ATXN7L1: variants seen among roughly 807,000 people sequenced by gnomAD.
ATXN7L1 encodes ataxin-7-like protein 1.
Under a neutral mutation model 70.8 loss-of-function variants are expected in ATXN7L1, and 15 were observed. That is an observed-to-expected ratio of 0.21 (90% CI 0.14 to 0.33). ATXN7L1 has a LOEUF of 0.33. Among genes scored for constraint, ATXN7L1 ranks in the 10% least tolerant of loss-of-function variants. ATXN7L1 has a pLI of 1.00. For synonymous variants in ATXN7L1, 440 were observed against 445.1 expected (o/e 0.99, Z 0.14); for missense variants, 975 against 1,097.1 (o/e 0.89, Z 1.57).
At chr7:105,740,106 G>A (rs1797836651) in intron 3 of ATXN7L1, among the ~76,000 whole-genome samples, 1 of 152,146 alleles carries the variant, frequency 6.6e-6, no homozygotes, top group Admixed American at 6.5e-5. Flanking sequence ...CTGATTTCAT[G>A]ATACACTAGT....
At chr7:105,820,616 C>A (rs1443343074) in intron 2 of ATXN7L1, among the ~76,000 whole-genome samples, 1 of 152,110 alleles carries the variant, frequency 6.6e-6, no homozygotes, top group Non-Finnish European at 1.5e-5. Context: ...TTTTAAATTG[C>A]AAATTTCCCT....
chr7:105,804,995 C>T (rs902027027), intron 2 of ATXN7L1, among the ~76,000 whole-genome samples: 22 of 152,170 alleles, frequency 1.4e-4, no homozygotes, highest in African/African-American at 5.1e-4. Flanking sequence ...ACACCCGTGG[C>T]GTAGCATTTA....
In ATXN7L1 at chr7:105,819,529, G is replaced by A. The variant is rs1809758878; in HGVS notation, c.251-30821C>T. ...CAGGTCCTGGTGCTTGATGGTCGAG[G>A]CCATCTCCTGGGCCGCCTGGCGGCC... On this transcript the variant is annotated intron_variant, in intron 2 of 11. Coordinates refer to ENST00000419735, the MANE Select transcript of ATXN7L1 (RefSeq NM_020725.2). 89 of 1,368,120 alleles carry A rather than the reference G, an allele frequency of 6.5e-5. No individual in the cohort carries two copies. The South Asian group carries it at 9.6e-4, about 15-fold the overall frequency. The allele number at this position is 1,368,120 out of a possible 1,614,324, so 84.7% of individuals were successfully genotyped here. A position where few individuals can be genotyped will look rare whatever the true frequency, so the allele number is the denominator to read the frequency against.
chr7:105,624,169 C>T lies in ATXN7L1; in HGVS notation c.1301G>A (p.Ser434Asn). ...CTCCCCTTCATCACTGGACAGTCGG[C>T]TGGCGAGGTCACCTCCAACCGGTGG... ...PLPPVGGDLA[S>N]RLSSDEGEMD... Residue 434 changes from serine (S) to asparagine (N), a missense_variant, in exon 8 of 12, where the codon AGC becomes AAC. Around this residue, in one of 5 missense-constraint regions of ATXN7L1, gnomAD observed 635 missense variants for 699.4 expected, o/e 0.91. Coordinates refer to ENST00000419735, the MANE Select transcript of ATXN7L1 (RefSeq NM_020725.2). The T allele has an allele frequency of 6.5e-7, 1 of 1,533,162 alleles. No individual in the cohort carries two copies. The highest frequency in any genetic ancestry group is 1.2e-5 in the South Asian group (1 of 81,548). 95.0% of individuals were successfully genotyped at this position (1,533,162 alleles called of 1,614,324 possible). A position where few individuals can be genotyped will look rare whatever the true frequency, so the allele number is the denominator to read the frequency against.
intron 3 of ATXN7L1, among the ~76,000 whole-genome samples, chr7:105,756,413 A>C (rs1175351116): frequency 6.6e-6 from 1 of 152,248 alleles, no homozygotes; most frequent in Admixed American, 6.5e-5. Flanking sequence ...ATATATTTCC[A>C]ATTGGAAGCG....
chr7:105,787,303 A>G (rs1421248376), intron 3 of ATXN7L1, among the ~76,000 whole-genome samples: 1 of 152,150 alleles, frequency 6.6e-6, no homozygotes, highest in Non-Finnish European at 1.5e-5. Context: ...TAGCCCGAGG[A>G]CACAGTGCTG....
intron 2 of ATXN7L1, among the ~76,000 whole-genome samples, chr7:105,850,612 T>C (rs1326777333): frequency 6.6e-6 from 1 of 152,264 alleles, no homozygotes; most frequent in Non-Finnish European, 1.5e-5. Context: ...GGCCTAGCAC[T>C]GATCCCTGTG....
rs1792703416 is a variant in ATXN7L1 at position 105,605,087 on chromosome 7, T to A, written c.*2765A>T. On this transcript the variant is annotated 3_prime_UTR_variant, in exon 12 of 12. Transcript: ENST00000419735. The stretch of plus-strand genomic sequence containing the variant: ...TTTTTATGGCTGACAGGTCTATGCA[T>A]TGCGTTATGCTTCACAACCAGAGCT... 7.3e-6 allele frequency: 1 copy of A among 137,810 alleles called. No individual in the cohort carries two copies. The highest frequency in any genetic ancestry group is 1.5e-5 in the Non-Finnish European group (1 of 64,638). The allele number at this position is 137,810 out of a possible 1,614,324, so 8.5% of individuals were successfully genotyped here.
intron 2 of ATXN7L1, chr7:105,819,657 G>T: frequency 1.1e-6 from 1 of 931,200 alleles, no homozygotes; most frequent in Admixed American, 1.7e-5. Flanking sequence ...GAAGTACCTG[G>T]TCTTCCTCCG....
At chr7:105,744,118 A>G (rs1265112666) in intron 3 of ATXN7L1, among the ~76,000 whole-genome samples, 1 of 152,142 alleles carries the variant, frequency 6.6e-6, no homozygotes, top group Non-Finnish European at 1.5e-5. Flanking sequence ...CAGAAACATC[A>G]TCACCTCTCA....
chr7:105,656,673 C>T (rs1024126509), intron 4 of ATXN7L1, among the ~76,000 whole-genome samples: 23 of 149,576 alleles, frequency 1.5e-4, no homozygotes, highest in South Asian at 2.1e-4. Flanking sequence ...CAGATTCAAG[C>T]GATTGTCTTG....
intron 4 of ATXN7L1, 65 bp from the exon 5 acceptor site, chr7:105,643,186 C>T: frequency 7.0e-7 from 1 of 1,423,068 alleles, no homozygotes; most frequent in Non-Finnish European, 9.3e-7. Context: ...GCTGAGGAAC[C>T]ATACCCGCTT....
intron 3 of ATXN7L1, among the ~76,000 whole-genome samples, chr7:105,673,014 T>G (rs1187569484): frequency 6.6e-6 from 1 of 152,104 alleles, no homozygotes; most frequent in Non-Finnish European, 1.5e-5. Flanking sequence ...TCCTTAAACA[T>G]CCAGGTGCAA....
chr7:105,703,164 C>A (rs1156862927), intron 3 of ATXN7L1, among the ~76,000 whole-genome samples: 2 of 151,890 alleles, frequency 1.3e-5, no homozygotes, highest in Non-Finnish European at 1.5e-5. Flanking sequence ...ATTAGCTGGG[C>A]GTGGTGGCAG....
At position 105,638,460 on chromosome 7, in the gene ATXN7L1, T is replaced by G; in HGVS notation, c.1095A>C (p.Gln365His). ...GCAGAGAATCCTGTGCCGGCCCGGA[T>G]TGGCTTGGAAGTATTTCCCTCGTGG... ...LTSTREILPS[Q>H]SGPAQDSLLG... Residue 365 changes from glutamine (Q) to histidine (H), a missense_variant, in exon 7 of 12, where the codon CAA becomes CAC. Physicochemically the swap from Gln to His is conservative, Grantham distance 24. This residue lies in a region of ATXN7L1 where 635 missense variants were observed against 699.4 expected (regional missense o/e 0.91). Transcript: ENST00000419735. 14 of 1,552,334 alleles carry G rather than the reference T, an allele frequency of 9.0e-6. No individual in the cohort carries two copies. The highest frequency in any genetic ancestry group is 1.1e-5 in the Non-Finnish European group (13 of 1,147,146).
intron 3 of ATXN7L1, among the ~76,000 whole-genome samples, chr7:105,774,099 G>C (rs1292081656): frequency 6.6e-6 from 1 of 152,242 alleles, no homozygotes; most frequent in Middle Eastern, 3.4e-3. Context: ...TAAGGCAAAG[G>C]TTGGCCATAA....
At chr7:105,826,415 T>C (rs1041832260) in intron 2 of ATXN7L1, among the ~76,000 whole-genome samples, 1 of 152,196 alleles carries the variant, frequency 6.6e-6, no homozygotes, top group Non-Finnish European at 1.5e-5. Flanking sequence ...GGTTCTAATG[T>C]GCAAATTTGG....
intron 3 of ATXN7L1, among the ~76,000 whole-genome samples, chr7:105,692,253 G>C (rs1275830953): frequency 1.3e-5 from 2 of 152,148 alleles, no homozygotes; most frequent in African/African-American, 4.8e-5. Flanking sequence ...GATTGACTTA[G>C]ATTTTGCAAA....
intron 3 of ATXN7L1, among the ~76,000 whole-genome samples, chr7:105,754,940 T>C (rs1361490438): frequency 6.6e-6 from 1 of 152,218 alleles, no homozygotes; most frequent in Non-Finnish European, 1.5e-5. Flanking sequence ...ATGCACTAAG[T>C]CCTGTGGGTA....
Sources: gnomAD v4.1 joint callset for allele counts (sites outside exome capture counted in the v4.1 genomes callset) on GRCh38, gnomAD v4.1.1 for gene constraint, gnomAD v4.1.1 regional missense constraint, MANE v1.5 for transcripts, NCBI Gene and HGNC (gene_info 2026-07-23, HGNC 2026-07-21) for gene names.